PTPRM: variants seen among roughly 807,000 people sequenced by gnomAD.
The protein encoded by PTPRM is protein tyrosine phosphatase receptor type M.
A neutral mutation model predicts 186.7 loss-of-function variants in PTPRM; 47 were observed. That is an observed-to-expected ratio of 0.25 (90% CI 0.20 to 0.32). The LOEUF is 0.32. PTPRM is among the 10% of genes least tolerant of loss of function. The probability of loss-of-function intolerance (pLI) is 1.00; values close to 1 mark genes in which losing one functional copy is unlikely to be tolerated. For synonymous variants in PTPRM, 668 were observed against 674.9 expected (o/e 0.99, Z 0.16); for missense variants, 1,494 against 1,865.0 (o/e 0.80, Z 3.66).
chr18:8,283,513 T>G (rs1341943038), intron 19 of PTPRM, among the ~76,000 whole-genome samples: 1 of 152,226 alleles, frequency 6.6e-6, no homozygotes, highest in Non-Finnish European at 1.5e-5. Flanking sequence ...AGGATTTATG[T>G]CAATTAACAG....
intron 7 of PTPRM, among the ~76,000 whole-genome samples, chr18:8,038,769 C>G (rs936060858): frequency 6.6e-6 from 1 of 152,112 alleles, no homozygotes; most frequent in South Asian, 2.1e-4. Flanking sequence ...TTCCAGCAGC[C>G]CTTTAGTCAG....
At chr18:8,202,197 T>G (rs1180764494) in intron 14 of PTPRM, among the ~76,000 whole-genome samples, 2 of 152,116 alleles carry the variant, frequency 1.3e-5, no homozygotes, top group Non-Finnish European at 2.9e-5. Context: ...TATTATAAGA[T>G]CTCATACGAG....
At chr18:7,818,355 CACAA>C (rs1374836037) in intron 2 of PTPRM, among the ~76,000 whole-genome samples, 1 of 152,158 alleles carries the variant, frequency 6.6e-6, no homozygotes, top group Non-Finnish European at 1.5e-5. Context: ...TTCAGTCATT[CACAA>C]ACAGTTTTGA....
intron 7 of PTPRM, among the ~76,000 whole-genome samples, chr18:7,990,745 T>C (rs181822586): frequency 6.6e-6 from 1 of 152,282 alleles, no homozygotes; most frequent in Admixed American, 6.5e-5. Flanking sequence ...CCATTCATGC[T>C]GCCTTTTTAA....
chr18:8,178,920 T>A (rs1397374470), intron 14 of PTPRM, among the ~76,000 whole-genome samples: 2 of 152,202 alleles, frequency 1.3e-5, no homozygotes, highest in Non-Finnish European at 2.9e-5. Context: ...CTGTATGAGT[T>A]GGGTACATTC....
intron 1 of PTPRM, among the ~76,000 whole-genome samples, chr18:7,750,473 C>T (rs984649178): frequency 1.3e-5 from 2 of 152,166 alleles, no homozygotes; most frequent in African/African-American, 2.4e-5. Flanking sequence ...TGTGCAGCTG[C>T]GGATAGAATA....
intron 2 of PTPRM, among the ~76,000 whole-genome samples, chr18:7,794,132 A>G (rs1056704153): frequency 5.3e-5 from 8 of 152,262 alleles, no homozygotes; most frequent in South Asian, 2.1e-4. Flanking sequence ...TCATTCTCCA[A>G]TCTCACGTGT....
intron 14 of PTPRM, among the ~76,000 whole-genome samples, chr18:8,169,770 A>C (rs1600974319): frequency 6.6e-6 from 1 of 152,232 alleles, no homozygotes; most frequent in East Asian, 1.9e-4. Flanking sequence ...TGCTCAATGG[A>C]TACAAATTTT....
intron 7 of PTPRM, among the ~76,000 whole-genome samples, chr18:8,001,408 G>T (rs1323685544): frequency 1.3e-5 from 2 of 152,164 alleles, no homozygotes; most frequent in African/African-American, 4.8e-5. Flanking sequence ...TGGTTTCTCT[G>T]AAGTGAAATT....
At chr18:8,134,439 C>T (rs2092589603) in intron 13 of PTPRM, among the ~76,000 whole-genome samples, 1 of 152,178 alleles carries the variant, frequency 6.6e-6, no homozygotes, top group African/African-American at 2.4e-5. Flanking sequence ...CCTTCTCCTG[C>T]ATTAGATAAA....
chr18:7,749,359 T>A (rs1269739036), intron 1 of PTPRM: 1 of 152,134 alleles, frequency 6.6e-6, no homozygotes, highest in East Asian at 1.9e-4. Flanking sequence ...ACATTTTTTT[T>A]TGGTCAAGCT....
chr18:7,981,167 C>T (rs190790331), intron 7 of PTPRM, among the ~76,000 whole-genome samples: 9 of 152,302 alleles, frequency 5.9e-5, no homozygotes, highest in Admixed American at 1.3e-4. Flanking sequence ...CTCTGCCCCC[C>T]GCCCACCAAC....
intron 2 of PTPRM, among the ~76,000 whole-genome samples, chr18:7,860,772 C>T (rs1282339943): frequency 1.3e-5 from 2 of 152,184 alleles, no homozygotes; most frequent in Non-Finnish European, 2.9e-5. Context: ...CCATGATTTG[C>T]ACCATATTTG....
chr18:8,132,502 C>G (rs576293255), intron 13 of PTPRM, among the ~76,000 whole-genome samples: 8 of 152,264 alleles, frequency 5.3e-5, no homozygotes, highest in African/African-American at 1.9e-4. Context: ...AATAAAATTA[C>G]TTTTAATAGT....
intron 2 of PTPRM, among the ~76,000 whole-genome samples, chr18:7,859,695 A>G (rs982937689): frequency 3.3e-5 from 5 of 152,198 alleles, no homozygotes; most frequent in Admixed American, 2.0e-4. Flanking sequence ...GGGGTTGAGG[A>G]GTCGGTACCC....
chr18:8,127,694 G>A (rs917425484), intron 13 of PTPRM, among the ~76,000 whole-genome samples: 1 of 152,044 alleles, frequency 6.6e-6, no homozygotes, highest in Non-Finnish European at 1.5e-5. Flanking sequence ...GAAATATGTA[G>A]CTTTAGGGAG....
intron 14 of PTPRM, among the ~76,000 whole-genome samples, chr18:8,188,979 A>G (rs765001457): frequency 6.6e-6 from 1 of 152,248 alleles, no homozygotes; most frequent in Non-Finnish European, 1.5e-5. Context: ...ATGGCTGAGT[A>G]TAAATTATTT....
At chr18:7,820,088 CTT>C (rs2045100135) in intron 2 of PTPRM, among the ~76,000 whole-genome samples, 1 of 152,198 alleles carries the variant, frequency 6.6e-6, no homozygotes, top group Non-Finnish European at 1.5e-5. Flanking sequence ...TGTGCAGGAT[CTT>C]CTGGGAAAGA....
intron 7 of PTPRM, among the ~76,000 whole-genome samples, chr18:8,047,311 T>A (rs1054621029): frequency 6.6e-6 from 1 of 152,144 alleles, no homozygotes; most frequent in Non-Finnish European, 1.5e-5. Context: ...AAAAAAATTT[T>A]TGTGGCAAAT....
Sources: allele counts gnomAD v4.1 joint callset (sites outside exome capture counted in the v4.1 genomes callset), GRCh38; gene constraint gnomAD v4.1.1; transcripts MANE v1.5; gene names NCBI Gene and HGNC (gene_info 2026-07-23, HGNC 2026-07-21).